Variants in PRPSAP1 observed in about 807,000 individuals in gnomAD.
The protein encoded by PRPSAP1 is phosphoribosyl pyrophosphate synthase-associated protein 1.
In PRPSAP1, 31 loss-of-function variants were observed where a neutral mutation model predicts 39.4. The observed-to-expected ratio is 0.79, with a 90% CI of 0.59 to 1.06. The LOEUF (loss-of-function observed/expected upper bound fraction) is 1.06. Ranked by LOEUF, PRPSAP1 falls within the 50% of genes least tolerant of loss-of-function variation. The pLI is 0.00. For missense variants in PRPSAP1, 430 were observed against 511.6 expected, an observed-to-expected ratio of 0.84 and a Z score of 1.54; for synonymous variants, 212 against 192.6, an observed-to-expected ratio of 1.10 and a Z score of -0.83.
chr17:76,349,910 A>C (rs1456976301), intron 1 of PRPSAP1, among the ~76,000 whole-genome samples: 1 of 150,766 alleles, frequency 6.6e-6, no homozygotes, highest in Non-Finnish European at 1.5e-5. Context: ...ACATGGAAAA[A>C]CCCCATCTCT....
At chr17:76,325,302 G>A (rs1236715919) in intron 7 of PRPSAP1, among the ~76,000 whole-genome samples, 2 of 148,344 alleles carry the variant, frequency 1.3e-5, no homozygotes, top group African/African-American at 5.0e-5. Context: ...CCAGCTATTC[G>A]GGAGGCTGAG....
intron 2 of PRPSAP1, among the ~76,000 whole-genome samples, chr17:76,347,663 T>C: frequency 6.6e-6 from 1 of 151,780 alleles, no homozygotes; most frequent in Non-Finnish European, 1.5e-5. Context: ...AGATTTAAGG[T>C]TGGGAAGGGT....
chr17:76,335,819 TC>T (rs2071372453), intron 3 of PRPSAP1, among the ~76,000 whole-genome samples: 1 of 152,020 alleles, frequency 6.6e-6, no homozygotes, highest in Non-Finnish European at 1.5e-5. Flanking sequence ...AGACCTGGTC[TC>T]TAAAAATAAA....
At chr17:76,314,201 AATGTATGTATGT>A (rs58359232) in intron 7 of PRPSAP1, 26 of 359,070 alleles carry the variant, frequency 7.2e-5, no homozygotes, top group Non-Finnish European at 3.6e-5. Context: ...CTGATATAAA[AATGTATGTATGT>A]ATGTATGTAT....
intron 6 of PRPSAP1, chr17:76,329,111 C>A (rs1223279617): frequency 2.8e-6 from 1 of 358,566 alleles, no homozygotes; most frequent in Non-Finnish European, 5.0e-6. Context: ...TCACTGTCAC[C>A]CAGGCTGGAG....
chr17:76,348,109 C>G (rs2071529809), intron 2 of PRPSAP1, among the ~76,000 whole-genome samples: 1 of 152,006 alleles, frequency 6.6e-6, no homozygotes, highest in African/African-American at 2.4e-5. Context: ...ACTGCTTGAG[C>G]TCAGAAGTTC....
chr17:76,311,404 C>T lies in PRPSAP1; in HGVS notation c.*138G>A. On this transcript the variant is annotated 3_prime_UTR_variant, in exon 10 of 10. Transcript: ENST00000446526. Reference sequence around the variant, plus strand: ...TTCCTGACTCTTTTAATCCCTCCTCCCCATCAATCCGGGCAAAAGAAGATA... The same window carrying T: ...TTCCTGACTCTTTTAATCCCTCCTCTCCATCAATCCGGGCAAAAGAAGATA... The T allele has an allele frequency of 4.4e-6, 4 of 906,536 alleles. No individual in the cohort carries two copies. Among genetic ancestry groups the T allele is most frequent in the Non-Finnish European group, 6.4e-6 (4 of 625,296 alleles). The allele number at this position is 906,536 out of a possible 1,614,324, so 56.2% of individuals were successfully genotyped here. A position where few individuals can be genotyped will look rare whatever the true frequency, so the allele number is the denominator to read the frequency against.
At chr17:76,333,984 G>A (rs1317197475) in intron 3 of PRPSAP1, among the ~76,000 whole-genome samples, 2 of 152,174 alleles carry the variant, frequency 1.3e-5, no homozygotes, top group Non-Finnish European at 2.9e-5. Flanking sequence ...GAACTCCCGG[G>A]CTCAAGTGAT....
At chr17:76,329,173 T>C (rs1033216774) in intron 6 of PRPSAP1, among the ~76,000 whole-genome samples, 2 of 151,336 alleles carry the variant, frequency 1.3e-5, no homozygotes, top group African/African-American at 4.9e-5. Flanking sequence ...GAGGCTCAGG[T>C]GATCCTCCCA....
intron 4 of PRPSAP1, 109 bp from the exon 5 acceptor site, chr17:76,330,775 G>A: frequency 1.6e-6 from 1 of 638,886 alleles, no homozygotes; most frequent in Non-Finnish European, 2.7e-6. Context: ...ACTGAAGACG[G>A]GGTACTGTGA....
At chr17:76,344,255 G>A (rs1327351089) in intron 3 of PRPSAP1, among the ~76,000 whole-genome samples, 1 of 152,164 alleles carries the variant, frequency 6.6e-6, no homozygotes, top group Non-Finnish European at 1.5e-5. Context: ...AGCCTCCTAA[G>A]TAGCTGGGAC....
chr17:76,345,758 G>T, intron 2 of PRPSAP1: 1 of 237,762 alleles, frequency 4.2e-6, no homozygotes, highest in South Asian at 4.7e-5. Context: ...AAGCGAGAAT[G>T]ACCCCCGACT....
intron 7 of PRPSAP1, among the ~76,000 whole-genome samples, chr17:76,319,660 G>T (rs1011183626): frequency 6.6e-6 from 1 of 151,506 alleles, no homozygotes; most frequent in Non-Finnish European, 1.5e-5. Flanking sequence ...GTAGAGACGG[G>T]GTTTCACCGT....
intron 7 of PRPSAP1, among the ~76,000 whole-genome samples, chr17:76,321,088 G>A (rs951671779): frequency 6.6e-6 from 1 of 152,032 alleles, no homozygotes; most frequent in African/African-American, 2.4e-5. Flanking sequence ...CAGCCAGGGT[G>A]CCATTTTTCT....
chr17:76,329,410 A>G (rs1378453715), intron 6 of PRPSAP1, among the ~76,000 whole-genome samples: 1 of 152,186 alleles, frequency 6.6e-6, no homozygotes, highest in Admixed American at 6.5e-5. Context: ...ATATTCTGAT[A>G]GTCATCTTCA....
chr17:76,344,536 A>G (rs1052821079), intron 3 of PRPSAP1, 135 bp downstream of exon 3: 10 of 762,264 alleles, frequency 1.3e-5, no homozygotes, highest in African/African-American at 3.6e-5. Context: ...AAGTGTTGGC[A>G]TAACAGGCGT....
intron 1 of PRPSAP1, 159 bp downstream of exon 1, chr17:76,353,375 G>A (rs1007679468): frequency 4.3e-6 from 3 of 690,032 alleles, no homozygotes; most frequent in African/African-American, 1.9e-5. Flanking sequence ...GGAGCGGGGG[G>A]CGGTATCCGT....
intron 7 of PRPSAP1, among the ~76,000 whole-genome samples, chr17:76,320,302 A>G (rs747102231): frequency 0.81 from 110,221 of 136,486 alleles, 45,009 homozygotes; most frequent in African/African-American, 0.83. Flanking sequence ...AAGAAAGAAA[A>G]GAAAGGAAGG....
intron 3 of PRPSAP1, among the ~76,000 whole-genome samples, chr17:76,337,991 C>T (rs1263958195): frequency 6.6e-6 from 1 of 151,664 alleles, no homozygotes; most frequent in Non-Finnish European, 1.5e-5. Flanking sequence ...TTAAAATATA[C>T]TTCATAAGCT....
Sources: allele counts gnomAD v4.1 joint callset (sites outside exome capture counted in the v4.1 genomes callset), GRCh38; gene constraint gnomAD v4.1.1; transcripts MANE v1.5; gene names NCBI Gene and HGNC (gene_info 2026-07-23, HGNC 2026-07-21).